The following PPARGC1A variants were observed in gnomAD, a reference collection of about 807,000 sequenced individuals.
PPARGC1A encodes peroxisome proliferator-activated receptor gamma coactivator 1-alpha.
PPARGC1A carries 25 observed loss-of-function variants against 88.7 expected under a neutral mutation model. That is an observed-to-expected ratio of 0.28 (90% CI 0.21 to 0.39). The LOEUF is 0.39. Ranked by LOEUF, PPARGC1A falls within the 10% of genes least tolerant of loss-of-function variation. The probability of loss-of-function intolerance (pLI) is 1.00; values close to 1 mark genes in which losing one functional copy is unlikely to be tolerated. For synonymous variants in PPARGC1A, 363 were observed against 355.6 expected, an observed-to-expected ratio of 1.02 and a Z score of -0.24; for missense variants, 880 against 968.7, an observed-to-expected ratio of 0.91 and a Z score of 1.22.
At chr4:24,150,027 C>T in the PPARGC1A span, among the ~76,000 whole-genome samples, 4 of 152,054 alleles carry the variant, frequency 2.6e-5, no homozygotes, top group Non-Finnish European at 5.9e-5. Context: ...ATCAATAACT[C>T]GTAGACAGTA....
chr4:24,354,431 CA>C, the PPARGC1A span, among the ~76,000 whole-genome samples: 1 of 152,162 alleles, frequency 6.6e-6, no homozygotes. Context: ...TGAACATTAA[CA>C]ATTCATAAAT....
chr4:23,859,832 A>AAATAC (rs1730916308), intron 2 of PPARGC1A, among the ~76,000 whole-genome samples: 2 of 149,812 alleles, frequency 1.3e-5, no homozygotes, highest in Non-Finnish European at 3.0e-5. Flanking sequence ...AAATAAAATA[A>AAATAC]AATAAAATAA....
At chr4:24,068,534 G>T in the PPARGC1A span, among the ~76,000 whole-genome samples, 1 of 152,132 alleles carries the variant, frequency 6.6e-6, no homozygotes. Context: ...AGGGGATGAG[G>T]GATAAGAGCC....
chr4:23,950,296 C>G, the PPARGC1A span, among the ~76,000 whole-genome samples: 3 of 151,898 alleles, frequency 2.0e-5, no homozygotes, highest in African/African-American at 4.8e-5. Context: ...ATTTCTGTAC[C>G]CACCTCCTCT....
chr4:24,180,850 A>G, the PPARGC1A span, among the ~76,000 whole-genome samples: 5 of 152,186 alleles, frequency 3.3e-5, no homozygotes, highest in African/African-American at 7.2e-5. Flanking sequence ...ACTAGTCCCA[A>G]TGCCCCACAG....
intron 7 of PPARGC1A, among the ~76,000 whole-genome samples, chr4:23,824,016 G>T (rs539164832): frequency 1.3e-5 from 2 of 152,072 alleles, no homozygotes; most frequent in Non-Finnish European, 2.9e-5. Context: ...AAAGCACTTA[G>T]TGCAAGGGCA....
At chr4:24,459,596 C>T in the PPARGC1A span, among the ~76,000 whole-genome samples, 1 of 152,126 alleles carries the variant, frequency 6.6e-6, no homozygotes, top group Non-Finnish European at 1.5e-5. Context: ...TCGAGACCAG[C>T]CTGGGAAGCA....
the PPARGC1A span, among the ~76,000 whole-genome samples, chr4:24,178,099 T>C: frequency 6.6e-6 from 1 of 152,234 alleles, no homozygotes; most frequent in Non-Finnish European, 1.5e-5. Context: ...AAAGATGGCC[T>C]TTGAGCCTAT....
At chr4:24,198,891 G>A in the PPARGC1A span, among the ~76,000 whole-genome samples, 44 of 152,196 alleles carry the variant, frequency 2.9e-4, no homozygotes, top group Admixed American at 7.2e-4. Flanking sequence ...TTACTATGGA[G>A]AACACTCTGA....
chr4:23,803,880 G>A (rs1050569640), intron 10 of PPARGC1A, among the ~76,000 whole-genome samples: 3 of 152,126 alleles, frequency 2.0e-5, no homozygotes, highest in Admixed American at 1.3e-4. Context: ...GCAAAAAGAT[G>A]CCCTTTCTTA....
At chr4:24,440,009 C>A in the PPARGC1A span, among the ~76,000 whole-genome samples, 1 of 152,226 alleles carries the variant, frequency 6.6e-6, no homozygotes, top group Non-Finnish European at 1.5e-5. Context: ...TCTTCCTAAT[C>A]TTTTAATCCC....
the PPARGC1A span, among the ~76,000 whole-genome samples, chr4:24,119,589 AATAAT>A: frequency 1.3e-5 from 2 of 152,202 alleles, no homozygotes; most frequent in African/African-American, 2.4e-5. Context: ...CCAGTGTTAC[AATAAT>A]ATACTAAACA....
At chr4:23,907,177 A>G (rs1458752484), upstream of PPARGC1A, among the ~76,000 whole-genome samples, 1 of 152,184 alleles carries the variant, frequency 6.6e-6, no homozygotes, top group Non-Finnish European at 1.5e-5. Context: ...AGACCCGTGA[A>G]TACTAATTCT....
chr4:24,000,328 A>G, the PPARGC1A span, among the ~76,000 whole-genome samples: 5 of 152,300 alleles, frequency 3.3e-5, no homozygotes, highest in East Asian at 9.7e-4. Context: ...TGTTGCTATA[A>G]CAGTTACCCC....
At chr4:23,867,102 C>T (rs1392434369) in intron 2 of PPARGC1A, among the ~76,000 whole-genome samples, 1 of 152,142 alleles carries the variant, frequency 6.6e-6, no homozygotes, top group African/African-American at 2.4e-5. Context: ...TGAAGACTCA[C>T]GAGTAAAAAA....
At chr4:24,146,732 G>C in the PPARGC1A span, among the ~76,000 whole-genome samples, 331 of 152,292 alleles carry the variant, frequency 2.2e-3, 1 homozygote, top group African/African-American at 7.4e-3. Context: ...GTTGGAATGG[G>C]GCACTAGGAG....
At chr4:24,224,158 T>C in the PPARGC1A span, among the ~76,000 whole-genome samples, 1 of 152,074 alleles carries the variant, frequency 6.6e-6, no homozygotes, top group Non-Finnish European at 1.5e-5. Context: ...CTGCAGTGGG[T>C]TGGGAGGAAG....
chr4:24,144,646 G>A, the PPARGC1A span, among the ~76,000 whole-genome samples: 37 of 152,040 alleles, frequency 2.4e-4, no homozygotes, highest in South Asian at 5.4e-3. Flanking sequence ...GGGAGCCACC[G>A]AGAAAGGACT....
the PPARGC1A span, among the ~76,000 whole-genome samples, chr4:24,428,063 C>T: frequency 6.6e-6 from 1 of 150,884 alleles, no homozygotes; most frequent in Non-Finnish European, 1.5e-5. Flanking sequence ...TGCAGTGAGC[C>T]ATGATGGCAC....
Sources: gnomAD v4.1 joint callset for allele counts (sites outside exome capture counted in the v4.1 genomes callset) on GRCh38, gnomAD v4.1.1 for gene constraint, MANE v1.5 for transcripts, NCBI Gene and HGNC (gene_info 2026-07-23, HGNC 2026-07-21) for gene names.